GULP1: variants seen among roughly 807,000 people sequenced by gnomAD.
GULP1 encodes PTB domain-containing engulfment adapter protein 1.
In GULP1, 19 loss-of-function variants were observed where a neutral mutation model predicts 40.9. That is an observed-to-expected ratio of 0.46 (90% confidence interval 0.32 to 0.68). The LOEUF is 0.68. Among genes scored for constraint, GULP1 ranks in the 30% least tolerant of loss-of-function variants. The probability of loss-of-function intolerance (pLI) is 0.03; values close to 1 mark genes in which losing one functional copy is unlikely to be tolerated. For synonymous variants in GULP1, 119 were observed against 117.6 expected (o/e 1.01, Z -0.08); for missense variants, 312 against 362.2 (o/e 0.86, Z 1.12).
At chr2:188,559,666 A>C (rs768030015) in intron 7 of GULP1, among the ~76,000 whole-genome samples, 1 of 152,032 alleles carries the variant, frequency 6.6e-6, no homozygotes, top group Non-Finnish European at 1.5e-5. Flanking sequence ...GCTTTGGGGG[A>C]CTGTTGGAAA....
intron 2 of GULP1, among the ~76,000 whole-genome samples, chr2:188,407,599 C>T (rs2053297374): frequency 6.6e-6 from 1 of 152,092 alleles, no homozygotes; most frequent in Admixed American, 6.5e-5. Flanking sequence ...TGTAAGGTGT[C>T]TTGTGTAAGC....
intron 2 of GULP1, among the ~76,000 whole-genome samples, chr2:188,447,313 G>A (rs2058474539): frequency 2.0e-5 from 3 of 152,122 alleles, no homozygotes; most frequent in African/African-American, 2.4e-5. Flanking sequence ...AGGGAGGAGG[G>A]TATAATGAGG....
At chr2:188,320,567 A>T (rs1316545044) in intron 1 of GULP1, among the ~76,000 whole-genome samples, 3 of 152,190 alleles carry the variant, frequency 2.0e-5, no homozygotes, top group Admixed American at 1.3e-4. Context: ...ACAAAAATGT[A>T]TGCATTTGGG....
At chr2:188,578,545 A>T (rs909929415) in intron 9 of GULP1, among the ~76,000 whole-genome samples, 5 of 152,016 alleles carry the variant, frequency 3.3e-5, no homozygotes, top group South Asian at 2.1e-4. Context: ...TAAAAAAAAA[A>T]AAGAATAAAA....
intron 9 of GULP1, among the ~76,000 whole-genome samples, chr2:188,572,470 C>T (rs1284918408): frequency 6.6e-6 from 1 of 152,144 alleles, no homozygotes; most frequent in East Asian, 1.9e-4. Context: ...AAATCACTTT[C>T]TTTAAATCAC....
chr2:188,363,330 C>T (rs1345762437), intron 1 of GULP1, among the ~76,000 whole-genome samples: 3 of 151,902 alleles, frequency 2.0e-5, no homozygotes, highest in Non-Finnish European at 2.9e-5. Flanking sequence ...AATTTGTAGC[C>T]CTTAGAGTCC....
At chr2:188,441,189 T>G (rs2057895016) in intron 2 of GULP1, among the ~76,000 whole-genome samples, 1 of 152,326 alleles carries the variant, frequency 6.6e-6, no homozygotes, top group African/African-American at 2.4e-5. Flanking sequence ...CTCGCCCTTA[T>G]GTTTGATCCT....
At chr2:188,446,562 G>T (rs2058401033) in intron 2 of GULP1, among the ~76,000 whole-genome samples, 2 of 152,020 alleles carry the variant, frequency 1.3e-5, no homozygotes, top group South Asian at 4.1e-4. Context: ...TTTGTATTTG[G>T]ATTCTGCTAT....
intron 1 of GULP1, chr2:188,297,541 A>C (rs1484032224): frequency 4.4e-6 from 2 of 457,430 alleles, no homozygotes; most frequent in South Asian, 1.6e-5. Flanking sequence ...ACTTTGCCAG[A>C]GCTACAAAGG....
chr2:188,524,037 A>G (rs974336777), intron 5 of GULP1, among the ~76,000 whole-genome samples: 4 of 152,214 alleles, frequency 2.6e-5, no homozygotes, highest in East Asian at 1.9e-4. Context: ...AAAAGGGCTC[A>G]CAGTTTATGG....
intron 4 of GULP1, among the ~76,000 whole-genome samples, chr2:188,505,668 A>G (rs1015264369): frequency 2.0e-5 from 3 of 151,854 alleles, no homozygotes; most frequent in Non-Finnish European, 2.9e-5. Context: ...TGGGCTAGTA[A>G]TAGAATTATC....
At chr2:188,527,020 A>C (rs192855241) in intron 5 of GULP1, among the ~76,000 whole-genome samples, 34 of 151,988 alleles carry the variant, frequency 2.2e-4, no homozygotes, top group African/African-American at 6.8e-4. Flanking sequence ...GCTTATTTTT[A>C]TTTTTCTTTA....
rs1039717545 is a variant in GULP1 at position 188,484,387 on chromosome 2, A to G, written c.90+895A>G. 5.3e-5 allele frequency among the ~76,000 whole-genome samples: 8 copies of G among 152,322 alleles called. No homozygotes were observed. In the East Asian group the frequency reaches 1.4e-3, roughly 26 times the overall value. ...AACAGAGACTTTAAAGAAAGGTGCT[A>G]TTTTGTAGTTAATTATCACCAAACT... is the stretch of plus-strand genomic sequence containing the variant. On this transcript the variant is annotated intron_variant, in intron 4 of 11. Coordinates refer to ENST00000409830, the MANE Select transcript of GULP1 (RefSeq NM_016315.4).
At chr2:188,496,628 A>G (rs2062922003) in intron 4 of GULP1, among the ~76,000 whole-genome samples, 1 of 151,974 alleles carries the variant, frequency 6.6e-6, no homozygotes, top group African/African-American at 2.4e-5. Context: ...AATTTTACAG[A>G]TGGTTTTATA....
intron 4 of GULP1, 38 bp downstream of exon 4, chr2:188,483,530 T>G: frequency 1.2e-6 from 1 of 853,790 alleles, no homozygotes; most frequent in Non-Finnish European, 1.8e-6. Flanking sequence ...TTTATTTTGT[T>G]ATAGTATCAT....
chr2:188,399,355 G>C (rs534940005), intron 2 of GULP1, among the ~76,000 whole-genome samples: 4 of 152,076 alleles, frequency 2.6e-5, no homozygotes, highest in African/African-American at 9.6e-5. Flanking sequence ...CTCACAAAGG[G>C]AGTCAGAATG....
intron 2 of GULP1, among the ~76,000 whole-genome samples, chr2:188,397,366 C>A (rs1049391882): frequency 2.0e-5 from 3 of 152,158 alleles, no homozygotes; most frequent in African/African-American, 7.2e-5. Flanking sequence ...TGCTGTGTAC[C>A]TTAACACCAT....
At chr2:188,517,822 A>G (rs182975053) in intron 4 of GULP1, among the ~76,000 whole-genome samples, 3 of 152,042 alleles carry the variant, frequency 2.0e-5, no homozygotes, top group South Asian at 2.1e-4. Flanking sequence ...GGAACTTTCA[A>G]TCCTGCATGT....
chr2:188,548,889 A>G (rs1054509234), intron 7 of GULP1, among the ~76,000 whole-genome samples: 3 of 151,542 alleles, frequency 2.0e-5, no homozygotes, highest in African/African-American at 7.3e-5. Flanking sequence ...GTGCTGGTGC[A>G]ATTGGACTTT....
Sources: gnomAD v4.1 joint callset for allele counts (sites outside exome capture counted in the v4.1 genomes callset) on GRCh38, gnomAD v4.1.1 for gene constraint, MANE v1.5 for transcripts, NCBI Gene and HGNC (gene_info 2026-07-23, HGNC 2026-07-21) for gene names.